The following KCNIP1 variants were observed in gnomAD, a reference collection of about 807,000 sequenced individuals.
KCNIP1 encodes the protein potassium voltage-gated channel interacting protein 1.
A neutral mutation model predicts 33.0 loss-of-function variants in KCNIP1; 18 were observed. The observed-to-expected ratio is 0.55, with a 90% confidence interval of 0.38 to 0.81. KCNIP1 has a LOEUF of 0.81. Ranked by LOEUF, KCNIP1 falls within the 30% of genes least tolerant of loss-of-function variation. KCNIP1 has a pLI of 0.00. For missense variants in KCNIP1, 238 were observed against 271.6 expected (o/e 0.88, Z 0.87); for synonymous variants, 93 against 98.3 (o/e 0.95, Z 0.32).
At chr5:170,450,491 A>G (rs1472131086) in intron 1 of KCNIP1, among the ~76,000 whole-genome samples, 1 of 152,056 alleles carries the variant, frequency 6.6e-6, no homozygotes. Context: ...AGCATTCCCT[A>G]GCTGAAAACC....
intron 6 of KCNIP1, 65 bp downstream of exon 6, chr5:170,732,969 C>T: frequency 1.1e-6 from 1 of 951,368 alleles, no homozygotes; most frequent in Non-Finnish European, 1.7e-6. Flanking sequence ...CCACGAGCAT[C>T]TGAGCAAATG....
chr5:170,408,917 A>C (rs1755107895), intron 1 of KCNIP1, among the ~76,000 whole-genome samples: 1 of 152,214 alleles, frequency 6.6e-6, no homozygotes, highest in Non-Finnish European at 1.5e-5. Context: ...GAAACATTTC[A>C]GTCCTGGAAC....
intron 1 of KCNIP1, among the ~76,000 whole-genome samples, chr5:170,582,963 A>G (rs1170369301): frequency 6.6e-6 from 1 of 152,222 alleles, no homozygotes; most frequent in Non-Finnish European, 1.5e-5. Context: ...GATTAAATGT[A>G]TTTGACAACG....
intron 1 of KCNIP1, among the ~76,000 whole-genome samples, chr5:170,426,268 C>CACACAT (rs1755612059): frequency 6.6e-6 from 1 of 151,478 alleles, no homozygotes; most frequent in Non-Finnish European, 1.5e-5. Context: ...CACACACACA[C>CACACAT]ACACAAACAC....
At chr5:170,588,992 ACTT>A (rs1359790558) in intron 1 of KCNIP1, among the ~76,000 whole-genome samples, 1 of 129,980 alleles carries the variant, frequency 7.7e-6, no homozygotes, top group African/African-American at 2.9e-5. Flanking sequence ...GCTCATACTT[ACTT>A]CTTTTTTTTT....
At chr5:170,514,475 A>G (rs1286581784) in intron 1 of KCNIP1, among the ~76,000 whole-genome samples, 1 of 151,882 alleles carries the variant, frequency 6.6e-6, no homozygotes, top group Non-Finnish European at 1.5e-5. Flanking sequence ...GCTGATTAGG[A>G]CTCTAAGCCC....
chr5:170,403,633 C>T (rs149854735), intron 1 of KCNIP1, among the ~76,000 whole-genome samples: 1 of 152,286 alleles, frequency 6.6e-6, no homozygotes, highest in Non-Finnish European at 1.5e-5. Context: ...TATAGGTCTC[C>T]TTCCCAAGGC....
At chr5:170,669,424 T>G (rs994692972) in intron 1 of KCNIP1, 1 of 664,294 alleles carries the variant, frequency 1.5e-6, no homozygotes, top group African/African-American at 2.0e-5. Context: ...AGGTCCTTGG[T>G]GCTACATTAG....
intron 6 of KCNIP1, among the ~76,000 whole-genome samples, chr5:170,733,606 A>C (rs771094831): frequency 6.6e-6 from 1 of 152,204 alleles, no homozygotes; most frequent in Non-Finnish European, 1.5e-5. Flanking sequence ...TGTCCAGAGC[A>C]AGTCTTTTGA....
At chr5:170,731,948 T>C (rs1189320734) in intron 5 of KCNIP1, among the ~76,000 whole-genome samples, 1 of 149,024 alleles carries the variant, frequency 6.7e-6, no homozygotes, top group Non-Finnish European at 1.5e-5. Flanking sequence ...TAGTTAATAA[T>C]AGTGAAGCCA....
At chr5:170,638,160 C>T (rs1228504109) in intron 1 of KCNIP1, among the ~76,000 whole-genome samples, 20 of 152,158 alleles carry the variant, frequency 1.3e-4, no homozygotes, top group Admixed American at 1.2e-3. Flanking sequence ...ACAACCCCAC[C>T]TCTGACCTTA....
At chr5:170,371,349 G>T (rs1185521498) in intron 1 of KCNIP1, among the ~76,000 whole-genome samples, 1 of 152,110 alleles carries the variant, frequency 6.6e-6, no homozygotes, top group Admixed American at 6.5e-5. Context: ...TCAGAGGTGT[G>T]GCCCCAGGGA....
At chr5:170,434,097 G>T (rs1374473136) in intron 1 of KCNIP1, among the ~76,000 whole-genome samples, 2 of 152,120 alleles carry the variant, frequency 1.3e-5, no homozygotes, top group East Asian at 3.8e-4. Flanking sequence ...AGCTATCTAG[G>T]TTCAAATGCT....
At chr5:170,374,651 A>G (rs1293624062) in intron 1 of KCNIP1, 1 of 152,182 alleles carries the variant, frequency 6.6e-6, no homozygotes, top group African/African-American at 2.4e-5. Flanking sequence ...ACAATAATAA[A>G]TGATGGAAGC....
At chr5:170,568,560 C>T (rs1431626515) in intron 1 of KCNIP1, among the ~76,000 whole-genome samples, 1 of 145,488 alleles carries the variant, frequency 6.9e-6, no homozygotes, top group African/African-American at 2.5e-5. Context: ...CACCTGTAAT[C>T]CCAGCACTTT....
chr5:170,571,112 C>T (rs935740158), intron 1 of KCNIP1, among the ~76,000 whole-genome samples: 1 of 152,218 alleles, frequency 6.6e-6, no homozygotes, highest in Non-Finnish European at 1.5e-5. Flanking sequence ...GGAGGTGCTA[C>T]CCACAGGTCC....
chr5:170,550,654 G>A (rs1756590201), intron 1 of KCNIP1, among the ~76,000 whole-genome samples: 1 of 150,558 alleles, frequency 6.6e-6, no homozygotes, highest in African/African-American at 2.5e-5. Context: ...GATGGTAACA[G>A]TGATGATGAC....
chr5:170,704,898 G>A (rs1489105207), intron 1 of KCNIP1, among the ~76,000 whole-genome samples: 3 of 152,158 alleles, frequency 2.0e-5, no homozygotes, highest in East Asian at 3.8e-4. Flanking sequence ...GAGGCAGCAG[G>A]GCTTGGAAAC....
intron 1 of KCNIP1, among the ~76,000 whole-genome samples, chr5:170,559,451 A>T (rs1235572699): frequency 2.0e-5 from 3 of 152,052 alleles, no homozygotes; most frequent in African/African-American, 7.2e-5. Context: ...TTTTCTATCT[A>T]CTACTTGGGA....
Sources: gnomAD v4.1 joint callset for allele counts (sites outside exome capture counted in the v4.1 genomes callset) on GRCh38, gnomAD v4.1.1 for gene constraint, MANE v1.5 for transcripts, NCBI Gene and HGNC (gene_info 2026-07-23, HGNC 2026-07-21) for gene names.